The following FAM193A variants were observed in gnomAD, a reference collection of about 807,000 sequenced individuals.
The protein encoded by FAM193A is family with sequence similarity 193 member A, also known as protein FAM193A.
Under a neutral mutation model 126.5 loss-of-function variants are expected in FAM193A, and 22 were observed. The observed-to-expected ratio is 0.17, with a 90% CI of 0.12 to 0.25. The LOEUF (loss-of-function observed/expected upper bound fraction) is 0.25, where lower values mean the gene tolerates loss of function less well. FAM193A is among the 10% of genes least tolerant of loss of function. The probability of loss-of-function intolerance (pLI) is 1.00; values close to 1 mark genes in which losing one functional copy is unlikely to be tolerated. For synonymous variants in FAM193A, 761 were observed against 646.8 expected (o/e 1.18, Z -2.68); for missense variants, 1,675 against 1,672.8 (o/e 1.00, Z -0.02).
chr4:2,696,009 C>T (rs1716990102), intron 17 of FAM193A, among the ~76,000 whole-genome samples: 1 of 151,268 alleles, frequency 6.6e-6, no homozygotes, highest in Non-Finnish European at 1.5e-5. Context: ...ACCTGGGTGA[C>T]AGAGCAAGAC....
chr4:2,544,445 G>A (rs1240032901), intron 1 of FAM193A, among the ~76,000 whole-genome samples: 1 of 152,034 alleles, frequency 6.6e-6, no homozygotes, highest in Non-Finnish European at 1.5e-5. Context: ...GCTCACACCT[G>A]TAATCCCAGC....
chr4:2,680,483 C>T (rs1714979430), intron 13 of FAM193A, among the ~76,000 whole-genome samples: 1 of 152,030 alleles, frequency 6.6e-6, no homozygotes, highest in Non-Finnish European at 1.5e-5. Flanking sequence ...CCACTCCCAG[C>T]TAATTTTTTT....
chr4:2,539,060 T>C (rs1737065513), intron 1 of FAM193A, among the ~76,000 whole-genome samples: 2 of 151,830 alleles, frequency 1.3e-5, no homozygotes, highest in South Asian at 4.1e-4. Context: ...CTGGCTAATT[T>C]TTTTTGTATT....
At chr4:2,711,687 G>A (rs1040619322) in intron 19 of FAM193A, among the ~76,000 whole-genome samples, 2 of 151,472 alleles carry the variant, frequency 1.3e-5, no homozygotes, top group African/African-American at 4.8e-5. Flanking sequence ...TATGGCTCAT[G>A]CCTGTAATCC....
intron 2 of FAM193A, among the ~76,000 whole-genome samples, chr4:2,617,087 G>A (rs1294041853): frequency 3.7e-5 from 5 of 136,190 alleles, no homozygotes; most frequent in Admixed American, 2.2e-4. Flanking sequence ...AGAATTGCTT[G>A]AACTCAGGAG....
intron 12 of FAM193A, among the ~76,000 whole-genome samples, chr4:2,663,571 C>T (rs1206281786): frequency 1.3e-5 from 2 of 152,144 alleles, no homozygotes. Context: ...ATTAAAATTT[C>T]AGGAAAGGTT....
At chr4:2,674,116 A>T (rs1714131127) in intron 13 of FAM193A, among the ~76,000 whole-genome samples, 1 of 152,240 alleles carries the variant, frequency 6.6e-6, no homozygotes, top group Admixed American at 6.5e-5. Flanking sequence ...CTATTCACTG[A>T]TTCATTTAAA....
intron 5 of FAM193A, among the ~76,000 whole-genome samples, 185 bp downstream of exon 5, chr4:2,631,354 A>T (rs1214100494): frequency 6.6e-6 from 1 of 151,966 alleles, no homozygotes; most frequent in Non-Finnish European, 1.5e-5. Flanking sequence ...GGACTTTGCC[A>T]CTGGATAAAA....
At chr4:2,698,641 G>A (rs1290254190) in intron 18 of FAM193A, among the ~76,000 whole-genome samples, 1 of 152,190 alleles carries the variant, frequency 6.6e-6, no homozygotes. Context: ...TAGGAGAAAT[G>A]CTTTTGGCAG....
chr4:2,685,225 G>A (rs971763914), intron 13 of FAM193A, among the ~76,000 whole-genome samples: 2 of 152,166 alleles, frequency 1.3e-5, no homozygotes, highest in Non-Finnish European at 2.9e-5. Flanking sequence ...TGGTGTAAGG[G>A]GAGGACCGGG....
chr4:2,571,551 T>A (rs932058227), intron 1 of FAM193A, among the ~76,000 whole-genome samples: 2 of 152,122 alleles, frequency 1.3e-5, no homozygotes, highest in East Asian at 3.9e-4. Context: ...CAGAACTTTT[T>A]TTTTTTTGAC....
intron 1 of FAM193A, among the ~76,000 whole-genome samples, chr4:2,594,820 C>CTTTTTTTTTTTTTTTTTTTTTTTTT (rs386399069): frequency 8.0e-5 from 5 of 62,210 alleles, no homozygotes; most frequent in African/African-American, 2.4e-4. Context: ...TTTTCTTTTC[C>CTTTTTTTTTTTTTTTTTTTTTTTTT]TTTTTTTTTT....
chr4:2,651,996 T>C (rs1237915258), intron 7 of FAM193A, among the ~76,000 whole-genome samples: 1 of 152,098 alleles, frequency 6.6e-6, no homozygotes, highest in Non-Finnish European at 1.5e-5. Context: ...TGATAGGGAA[T>C]GTGGAGAATA....
rs567419455 is a variant in FAM193A, at chr4:2,619,191, T to C, written c.502-6071T>C. Reference sequence around the variant, plus strand: ...TTGACATCTTCAGTTTCTCTTCCCATCGTGTTTATTTTTCCTCTGTTTCTT... The same window carrying C: ...TTGACATCTTCAGTTTCTCTTCCCACCGTGTTTATTTTTCCTCTGTTTCTT... On this transcript the variant is annotated intron_variant, in intron 2 of 20. Coordinates refer to ENST00000637812, the MANE Select transcript of FAM193A (RefSeq NM_001366318.2). Among the ~76,000 whole-genome samples, 20 of 152,336 alleles carry C rather than the reference T, an allele frequency of 1.3e-4. No individual in the cohort carries two copies. The East Asian group carries it at 2.3e-3, about 18-fold the overall frequency.
chr4:2,660,133 G>A (rs1246767954), intron 10 of FAM193A, 79 bp downstream of exon 10: 2 of 1,438,076 alleles, frequency 1.4e-6, no homozygotes, highest in Non-Finnish European at 1.9e-6. Flanking sequence ...AATGTCCACA[G>A]AAGTATGAAC....
At position 2,700,344 on chromosome 4, in the gene FAM193A, G is replaced by A; in HGVS notation, c.4172G>A (p.Arg1391Lys). ...ATCACAGAGCAGAAAAGAGAGGAGA[G>A]AAAAGTCAACAGTAATAACAATAAC... ...MSITEQKREE[R>K]KVNSNNNNKK... Residue 1391 changes from arginine (R) to lysine (K), a missense_variant, in exon 19 of 21, where the codon AGA becomes AAA. Arg to Lys is a conservative substitution (Grantham distance 26). Transcript: ENST00000637812. 1 of 1,614,020 alleles carries A rather than the reference G, an allele frequency of 6.2e-7. No individual in the cohort carries two copies. The highest frequency in any genetic ancestry group is 1.1e-5 in the South Asian group (1 of 91,070).
rs748164888 is a variant in FAM193A at position 2,663,188 on chromosome 4, C to A, written c.1979C>A (p.Pro660His). ...GCGGACGGCGAGAGTAGTGGGGAGC[C>A]CCCAGGGGCCCCGAAGGAAGATGGA... is the stretch of plus-strand genomic sequence containing the variant. ...EEADGESSGE[P>H]PGAPKEDGVL... Residue 660 changes from proline (P) to histidine (H), a missense_variant, in exon 12 of 21, where the codon CCC becomes CAC. Pro to His is a moderately conservative substitution (Grantham distance 77, BLOSUM62 -2). This residue lies in a region of FAM193A where 1,186 missense variants were observed against 1,109.2 expected (regional missense o/e 1.07). Transcript: ENST00000637812. The A allele has an allele frequency of 1.1e-5, 18 of 1,614,130 alleles. No individual in the cohort carries two copies. In the Admixed American group the frequency reaches 3.0e-4, roughly 27 times the overall value.
At chr4:2,584,643 A>G (rs1035011369) in intron 1 of FAM193A, among the ~76,000 whole-genome samples, 1 of 152,046 alleles carries the variant, frequency 6.6e-6, no homozygotes, top group Non-Finnish European at 1.5e-5. Flanking sequence ...AACATACTAA[A>G]TGGCAGGGTG....
At chr4:2,553,506 G>GAGT (rs1738073383) in intron 1 of FAM193A, among the ~76,000 whole-genome samples, 1 of 150,022 alleles carries the variant, frequency 6.7e-6, no homozygotes, top group Admixed American at 6.7e-5. Context: ...TCAGCCCCCT[G>GAGT]AGTAGCTGGG....
Sources: allele counts gnomAD v4.1 joint callset (sites outside exome capture counted in the v4.1 genomes callset), GRCh38; gene constraint gnomAD v4.1.1; regional missense constraint gnomAD v4.1.1; transcripts MANE v1.5; gene names NCBI Gene and HGNC (gene_info 2026-07-23, HGNC 2026-07-21).